Variants in GRXCR2 observed in about 807,000 individuals in gnomAD.
GRXCR2 encodes the protein glutaredoxin and cysteine rich domain containing 2.
A neutral mutation model predicts 24.8 loss-of-function variants in GRXCR2; 23 were observed. The ratio of observed to expected loss-of-function variants is 0.93; its 90% CI spans 0.67 to 1.32. GRXCR2 has a LOEUF of 1.32. Among genes scored for constraint, GRXCR2 ranks in the 40% most tolerant of loss-of-function variants. The pLI is 0.00. For missense variants in GRXCR2, 315 were observed against 303.4 expected, an observed-to-expected ratio of 1.04 and a Z score of -0.28; for synonymous variants, 130 against 116.1, an observed-to-expected ratio of 1.12 and a Z score of -0.77.
At chr5:145,902,047 G>T (rs13161611) in intron 2 of GRXCR2, among the ~76,000 whole-genome samples, 7,189 of 152,192 alleles carry the variant, frequency 0.047, 316 homozygotes, top group African/African-American at 0.11. Flanking sequence ...TCCTAACAGT[G>T]GAAAGCACTG....
chr5:145,897,081 C>A lies in GRXCR2; in HGVS notation c.-69-30353G>T, dbSNP rs1048485728. On this transcript the variant is annotated intron_variant, in intron 2 of 3. Coordinates refer to the GRXCR2 transcript ENST00000639411. ...TTCTCACTCATAGGTGGGAATTGAA[C>A]AATGAGAACACATGGACACAGGAAG... Among the ~76,000 whole-genome samples the A allele has an allele frequency of 1.1e-3, 146 of 135,608 alleles. 1 individual carries two copies. The highest frequency in any genetic ancestry group is 4.0e-3 in the African/African-American group (143 of 35,370). 89.0% of individuals were successfully genotyped at this position (135,608 alleles called of 152,430 possible).
intron 1 of GRXCR2, 123 bp from the exon 2 acceptor site, chr5:145,866,851 C>T (rs1756446372): frequency 7.8e-6 from 5 of 639,486 alleles, no homozygotes; most frequent in Non-Finnish European, 1.1e-5. Flanking sequence ...CATTTTTGAT[C>T]CCATCAGACC....
At chr5:145,881,354 G>A (rs1313326545) in intron 2 of GRXCR2, among the ~76,000 whole-genome samples, 2 of 152,126 alleles carry the variant, frequency 1.3e-5, no homozygotes, top group African/African-American at 2.4e-5. Flanking sequence ...AAATCAATAT[G>A]CAAAAATCAC....
At chr5:145,896,566 A>C (rs139209923) in intron 2 of GRXCR2, among the ~76,000 whole-genome samples, 1,527 of 152,350 alleles carry the variant, frequency 0.01, 33 homozygotes, top group African/African-American at 0.035. Flanking sequence ...AGAAATGCAA[A>C]TCAAAACCAC....
intron 2 of GRXCR2, among the ~76,000 whole-genome samples, chr5:145,907,971 A>G (rs1179757988): frequency 1.3e-5 from 2 of 152,184 alleles, no homozygotes; most frequent in African/African-American, 2.4e-5. Context: ...TGAATATCAG[A>G]GTCTCACATT....
At chr5:145,919,489 C>T (rs927905683) in intron 2 of GRXCR2, among the ~76,000 whole-genome samples, 1 of 152,170 alleles carries the variant, frequency 6.6e-6, no homozygotes, top group African/African-American at 2.4e-5. Context: ...CATTCTTAAC[C>T]CCAGTGCAAT....
chr5:145,887,818 T>C (rs996743844), intron 2 of GRXCR2, among the ~76,000 whole-genome samples: 1 of 152,206 alleles, frequency 6.6e-6, no homozygotes, highest in East Asian at 1.9e-4. Context: ...GGTTGAAATA[T>C]CATAACTGTT....
intron 2 of GRXCR2, among the ~76,000 whole-genome samples, chr5:145,898,934 T>C (rs917453156): frequency 6.6e-6 from 1 of 152,088 alleles, no homozygotes; most frequent in Non-Finnish European, 1.5e-5. Flanking sequence ...AAGAAAGAGA[T>C]AAAAGGCATC....
At chr5:145,877,862 T>C (rs932805374), upstream of GRXCR2, among the ~76,000 whole-genome samples, 1 of 152,216 alleles carries the variant, frequency 6.6e-6, no homozygotes, top group South Asian at 2.1e-4. Context: ...TCTGCAATCT[T>C]TGCTGTTCTG....
chr5:145,923,622 A>C (rs1421411499), intron 2 of GRXCR2, among the ~76,000 whole-genome samples: 1 of 152,186 alleles, frequency 6.6e-6, no homozygotes, highest in Admixed American at 6.5e-5. Context: ...GCATGCTCTC[A>C]AGGTTGTCAC....
Position 145,872,975 on chromosome 5 carries a change from A to G in GRXCR2, c.-7T>C, listed in dbSNP as rs1284281254. 6.2e-7 allele frequency: 1 copy of G among 1,613,010 alleles called. No homozygotes were observed. Among genetic ancestry groups the G allele is most frequent in the South Asian group, 1.1e-5 (1 of 91,024 alleles). ...TTTTCTCAGGGTCCTCCATCAGCAG[A>G]AAGTTGACCCTGTGGTCTCCAGCCT... On this transcript the variant is annotated 5_prime_UTR_variant, in exon 1 of 3. Coordinates refer to ENST00000377976, the MANE Select transcript of GRXCR2 (RefSeq NM_001080516.2).
chr5:145,922,770 A>G (rs935583534), intron 2 of GRXCR2, among the ~76,000 whole-genome samples: 1 of 152,206 alleles, frequency 6.6e-6, no homozygotes, highest in Admixed American at 6.5e-5. Flanking sequence ...TTAGTCTAAA[A>G]CATAGTCTAG....
chr5:145,901,989 G>A (rs901866557), intron 2 of GRXCR2, among the ~76,000 whole-genome samples: 6 of 152,162 alleles, frequency 3.9e-5, no homozygotes, highest in Non-Finnish European at 8.8e-5. Flanking sequence ...TGGTATTCAT[G>A]GAGGGAGTGA....
upstream of GRXCR2, among the ~76,000 whole-genome samples, chr5:145,875,169 C>A (rs755164226): frequency 1.3e-5 from 2 of 152,186 alleles, no homozygotes; most frequent in Non-Finnish European, 2.9e-5. Flanking sequence ...TAATAGAACT[C>A]AGTAATTGTT....
intron 2 of GRXCR2, among the ~76,000 whole-genome samples, chr5:145,907,047 G>A (rs892228843): frequency 2.6e-5 from 4 of 152,204 alleles, no homozygotes; most frequent in African/African-American, 7.2e-5. Flanking sequence ...TGGAAGGTCC[G>A]TGGAGCAGCA....
intron 2 of GRXCR2, among the ~76,000 whole-genome samples, chr5:145,930,849 C>T (rs1757468011): frequency 6.6e-6 from 1 of 152,192 alleles, no homozygotes; most frequent in African/African-American, 2.4e-5. Flanking sequence ...ATCATCTCAA[C>T]TGACTCTTCA....
chr5:145,872,638 G>A lies in GRXCR2; in HGVS notation c.331C>T (p.His111Tyr). The change falls in exon 1 of 3, where the codon CAT (histidine) becomes TAT (tyrosine). Residue 111 changes from histidine to tyrosine, a missense_variant. Physicochemically the swap from His to Tyr is moderately conservative, Grantham distance 83 (BLOSUM62 2). Coordinates refer to ENST00000377976, the MANE Select transcript of GRXCR2 (RefSeq NM_001080516.2). ...ATGCCATGCACAATACCAACCTTAT[G>A]GTCATTCGCCTTGTAATCGTTGAAC... The part of the protein sequence containing the change: ...PRFNDYKAND[H>Y]KPLPIIDFGK... The A allele has an allele frequency of 1.3e-6, 2 of 1,596,680 alleles. No individual in the cohort carries two copies. The highest frequency in any genetic ancestry group is 1.7e-6 in the Non-Finnish European group (2 of 1,169,350).
rs185488673 is a variant in GRXCR2, at chr5:145,889,132, C to G, written c.-69-22404G>C. On this transcript the variant is annotated intron_variant, in intron 2 of 3. Coordinates refer to the GRXCR2 transcript ENST00000639411. ...TGAGCCGAGATCGCACCACTGCACT[C>G]CAGCTTGAGCTGGGTGACAGACCGA... is the stretch of plus-strand genomic sequence containing the variant. Among the ~76,000 whole-genome samples the G allele has an allele frequency of 6.5e-3, 973 of 148,852 alleles. 7 individuals carry two copies. Among genetic ancestry groups the G allele is most frequent in the Middle Eastern group, 0.059 (17 of 290 alleles).
chr5:145,905,341 G>A (rs1002769694), intron 2 of GRXCR2, among the ~76,000 whole-genome samples: 2 of 152,128 alleles, frequency 1.3e-5, no homozygotes, highest in Non-Finnish European at 2.9e-5. Context: ...AACATGTAAG[G>A]CCTGAAAACA....
Sources: gnomAD v4.1 joint callset for allele counts (sites outside exome capture counted in the v4.1 genomes callset) on GRCh38, gnomAD v4.1.1 for gene constraint, MANE v1.5 for transcripts, NCBI Gene and HGNC (gene_info 2026-07-23, HGNC 2026-07-21) for gene names.